The following FRMD8 variants were observed in gnomAD, a reference collection of about 807,000 sequenced individuals.
FRMD8 encodes FERM domain containing 8, also known as FERM domain-containing protein 8.
A neutral mutation model predicts 54.2 loss-of-function variants in FRMD8; 37 were observed. The observed-to-expected ratio is 0.68, with a 90% CI of 0.53 to 0.90. The LOEUF (loss-of-function observed/expected upper bound fraction) is 0.90. Among genes scored for constraint, FRMD8 ranks in the 40% least tolerant of loss-of-function variants. FRMD8 has a pLI of 0.00. For synonymous variants in FRMD8, 246 were observed against 286.9 expected (o/e 0.86, Z 1.44); for missense variants, 585 against 653.7 (o/e 0.89, Z 1.15).
At chr11:65,392,174 G>A (rs1214644094) in intron 3 of FRMD8, among the ~76,000 whole-genome samples, 3 of 152,190 alleles carry the variant, frequency 2.0e-5, no homozygotes, top group Non-Finnish European at 1.5e-5. Context: ...GGGAAATCTG[G>A]ACCAGAAATG....
At chr11:65,394,138 C>T (rs764658616) in intron 5 of FRMD8, 39 bp downstream of exon 5, 3 of 1,610,570 alleles carry the variant, frequency 1.9e-6, no homozygotes, top group African/African-American at 1.3e-5. Flanking sequence ...AGGCCTGGCC[C>T]CTTGTGCCCA....
In FRMD8 at chr11:65,400,649, T is replaced by C; in HGVS notation, c.928-75T>C. ...TGGAGAGGCACACACCCTGGCCAGG[T>C]GTCTGAGTGGGATGGGGTGGGGAGC... On this transcript the variant is annotated intron_variant, in intron 8 of 10. Transcript: ENST00000317568. This position sits in a 1 kb window ranked among gnomAD's most constrained non-coding sequence, Gnocchi z 4.3. The C allele has an allele frequency of 7.1e-7, 1 of 1,408,728 alleles. No homozygotes were observed. The allele number at this position is 1,408,728 out of a possible 1,614,324, so 87.3% of individuals were successfully genotyped here.
At chr11:65,397,716 T>A (rs1424422733) in intron 7 of FRMD8, among the ~76,000 whole-genome samples, 5 of 152,100 alleles carry the variant, frequency 3.3e-5, no homozygotes, top group Non-Finnish European at 7.3e-5. Context: ...AATTTGGTTT[T>A]TTGTTTTTGT....
the FRMD8 span, chr11:65,377,358 A>G: frequency 7.7e-7 from 1 of 1,291,908 alleles, no homozygotes; most frequent in Non-Finnish European, 9.8e-7. Flanking sequence ...CACTCAGAAC[A>G]AGCCTGGATT....
chr11:65,410,021 C>T (rs564241403), intron 10 of FRMD8, among the ~76,000 whole-genome samples: 10 of 151,314 alleles, frequency 6.6e-5, no homozygotes, highest in East Asian at 5.9e-4. Context: ...TGCAGTGAGC[C>T]GTGATTGTAA....
chr11:65,381,873 A>G (rs754844474), upstream of FRMD8: 1 of 1,613,374 alleles, frequency 6.2e-7, no homozygotes, highest in Non-Finnish European at 8.5e-7. Flanking sequence ...GAAGTGACCT[A>G]CCATTGGGTG....
Position 65,386,662 on chromosome 11 carries a change from T to C in FRMD8, c.-100T>C, listed in dbSNP as rs1855736866. On this transcript the variant is annotated 5_prime_UTR_variant, in exon 1 of 11. Transcript: ENST00000317568. Reference sequence around the variant, plus strand: ...GTCGCTTCCCGGTCAGCTGCGTCCTTAGCGGGAGCCCGAGTGCGGGCGGTG... The same window carrying C: ...GTCGCTTCCCGGTCAGCTGCGTCCTCAGCGGGAGCCCGAGTGCGGGCGGTG... The C allele has an allele frequency of 4.0e-6, 1 of 248,182 alleles. No individual in the cohort carries two copies. Among genetic ancestry groups the C allele is most frequent in the Admixed American group, 5.6e-5 (1 of 17,740 alleles). The allele number at this position is 248,182 out of a possible 1,614,324, so 15.4% of individuals were successfully genotyped here. A position where few individuals can be genotyped will look rare whatever the true frequency, so the allele number is the denominator to read the frequency against.
chr11:65,373,853 G>T, the FRMD8 span, among the ~76,000 whole-genome samples: 291 of 152,262 alleles, frequency 1.9e-3, no homozygotes, highest in African/African-American at 6.7e-3. Flanking sequence ...CTCCTAAAGT[G>T]CTGTAATTAC....
upstream of FRMD8, chr11:65,383,602 A>G (rs1388987377): frequency 6.6e-6 from 1 of 152,130 alleles, no homozygotes; most frequent in African/African-American, 2.4e-5. Flanking sequence ...TACCAAAAAT[A>G]CAAAAATTAG....
chr11:65,393,921 G>A (rs934578689), intron 4 of FRMD8, 120 bp from the exon 5 acceptor site: 16 of 1,069,314 alleles, frequency 1.5e-5, no homozygotes, highest in Middle Eastern at 2.1e-4. Flanking sequence ...CCCTCTGCAC[G>A]GCCCTCCGGT....
intron 7 of FRMD8, among the ~76,000 whole-genome samples, chr11:65,399,462 T>C (rs542636376): frequency 6.6e-6 from 1 of 152,286 alleles, no homozygotes; most frequent in Admixed American, 6.5e-5. Context: ...CGACTGGCTT[T>C]GCTCCACACC....
the FRMD8 span, chr11:65,379,485 TA>T: frequency 6.2e-7 from 1 of 1,614,004 alleles, no homozygotes; most frequent in African/African-American, 1.3e-5. Context: ...GGTGTTGCTA[TA>T]GACCCCAAAC....
intron 7 of FRMD8, among the ~76,000 whole-genome samples, chr11:65,398,930 G>A (rs1239486801): frequency 8.6e-5 from 13 of 151,914 alleles, no homozygotes; most frequent in Admixed American, 2.0e-4. Flanking sequence ...GTGAGGGCAA[G>A]GGTGAGCCTG....
the FRMD8 span, among the ~76,000 whole-genome samples, chr11:65,369,054 G>T: frequency 6.6e-6 from 1 of 152,180 alleles, no homozygotes; most frequent in Non-Finnish European, 1.5e-5. Context: ...AGCAGCAGCA[G>T]CATCTGGGCA....
chr11:65,381,974 T>A (rs78982565), upstream of FRMD8: 1 of 1,610,174 alleles, frequency 6.2e-7, no homozygotes, highest in African/African-American at 1.3e-5. Context: ...CGGGAACTGG[T>A]GGCTCCAGCA....
chr11:65,376,847 C>T, the FRMD8 span: 925 of 1,614,204 alleles, frequency 5.7e-4, 13 homozygotes, highest in South Asian at 9.2e-3. Flanking sequence ...TGTGTACTGG[C>T]GACAGAGCCC....
the FRMD8 span, chr11:65,377,360 G>A: frequency 2.8e-5 from 36 of 1,288,754 alleles, no homozygotes; most frequent in Middle Eastern, 3.0e-4. Context: ...CTCAGAACAA[G>A]CCTGGATTCT....
chr11:65,390,835 C>T (rs2137870568), intron 3 of FRMD8, among the ~76,000 whole-genome samples: 1 of 152,400 alleles, frequency 6.6e-6, no homozygotes, highest in African/African-American at 2.4e-5. Flanking sequence ...TCTCCACTCC[C>T]TCCTCACCAC....
the FRMD8 span, chr11:65,379,808 C>A: frequency 6.3e-7 from 1 of 1,595,360 alleles, no homozygotes; most frequent in South Asian, 1.1e-5. Context: ...GAAGCTGGTA[C>A]CAACAGCCCC....
Sources: gnomAD v4.1 joint callset for allele counts (sites outside exome capture counted in the v4.1 genomes callset) on GRCh38, gnomAD v4.1.1 for gene constraint, Gnocchi (gnomAD v3.1) non-coding constraint, MANE v1.5 for transcripts, NCBI Gene and HGNC (gene_info 2026-07-23, HGNC 2026-07-21) for gene names.